The following RPS6KA2 variants were observed in gnomAD, a reference collection of about 807,000 sequenced individuals.
The protein encoded by RPS6KA2 is ribosomal protein S6 kinase alpha-2.
A neutral mutation model predicts 91.8 loss-of-function variants in RPS6KA2; 42 were observed. The observed-to-expected ratio is 0.46, with a 90% CI of 0.36 to 0.59. The LOEUF is 0.59. Among genes scored for constraint, RPS6KA2 ranks in the 20% least tolerant of loss-of-function variants. RPS6KA2 has a pLI of 0.00. For synonymous variants in RPS6KA2, 414 were observed against 393.6 expected (o/e 1.05, Z -0.61); for missense variants, 798 against 978.5 (o/e 0.82, Z 2.46).
At chr6:166,464,093 G>T (rs985004041) in intron 11 of RPS6KA2, among the ~76,000 whole-genome samples, 27 of 152,214 alleles carry the variant, frequency 1.8e-4, no homozygotes, top group Non-Finnish European at 2.2e-4. Context: ...CCTGTGCTGT[G>T]AGGCCCTGAC....
intron 3 of RPS6KA2, among the ~76,000 whole-genome samples, chr6:166,530,945 C>T (rs563999689): frequency 6.6e-6 from 1 of 152,404 alleles, no homozygotes; most frequent in Non-Finnish European, 1.5e-5. Context: ...AGCCTGCTCG[C>T]AGCCTGCTGC....
intron 1 of RPS6KA2, among the ~76,000 whole-genome samples, chr6:166,614,026 C>T (rs2128535245): frequency 6.6e-6 from 1 of 152,314 alleles, no homozygotes; most frequent in East Asian, 1.9e-4. Context: ...AAAGCCCAGT[C>T]AGCTCAGGAA....
intron 2 of RPS6KA2, among the ~76,000 whole-genome samples, chr6:166,793,212 GACAA>G (rs1464676762): frequency 9.9e-5 from 15 of 151,882 alleles, no homozygotes; most frequent in African/African-American, 3.6e-4. Context: ...ACCAATAACA[GACAA>G]ACAGAGAGCC....
chr6:166,835,507 T>G (rs1339291744), intron 2 of RPS6KA2, among the ~76,000 whole-genome samples: 1 of 152,220 alleles, frequency 6.6e-6, no homozygotes, highest in Non-Finnish European at 1.5e-5. Context: ...TTTGTAATAT[T>G]GGGATCCTAC....
At chr6:166,717,751 T>C (rs1002626347) in intron 2 of RPS6KA2, among the ~76,000 whole-genome samples, 4 of 152,190 alleles carry the variant, frequency 2.6e-5, no homozygotes, top group African/African-American at 9.6e-5. Context: ...TTACCAGGGG[T>C]GCCTCTCACA....
intron 3 of RPS6KA2, among the ~76,000 whole-genome samples, chr6:166,526,417 C>T (rs959677816): frequency 7.0e-6 from 1 of 143,748 alleles, no homozygotes; most frequent in Non-Finnish European, 1.5e-5. Flanking sequence ...ACAATCACAG[C>T]TCACTGAAGC....
intron 2 of RPS6KA2, among the ~76,000 whole-genome samples, chr6:166,805,775 C>G (rs909291150): frequency 1.3e-5 from 2 of 151,980 alleles, no homozygotes; most frequent in Admixed American, 1.3e-4. Flanking sequence ...AAAAAATAAA[C>G]CAAAAACTGT....
chr6:166,710,509 T>A (rs1054922229), intron 2 of RPS6KA2, among the ~76,000 whole-genome samples: 1 of 138,728 alleles, frequency 7.2e-6, no homozygotes, highest in Admixed American at 7.3e-5. Context: ...TGTGTGTGTG[T>A]GGTGTGTGTG....
intron 3 of RPS6KA2, among the ~76,000 whole-genome samples, chr6:166,521,330 C>T (rs1340499463): frequency 6.6e-6 from 1 of 152,330 alleles, no homozygotes; most frequent in Non-Finnish European, 1.5e-5. Flanking sequence ...CCAACCCCTG[C>T]CCTGCAAAGC....
intron 2 of RPS6KA2, among the ~76,000 whole-genome samples, chr6:166,717,094 G>A (rs765663894): frequency 1.3e-5 from 2 of 152,154 alleles, no homozygotes; most frequent in Non-Finnish European, 2.9e-5. Flanking sequence ...GGCTGCGAGT[G>A]GAGGCCACGC....
intron 2 of RPS6KA2, among the ~76,000 whole-genome samples, chr6:166,672,375 A>G (rs1157236832): frequency 6.6e-6 from 1 of 152,202 alleles, no homozygotes; most frequent in African/African-American, 2.4e-5. Flanking sequence ...GCAGATAACA[A>G]GCATAACCAG....
chr6:166,425,227 C>CTT (rs914599952), intron 16 of RPS6KA2, among the ~76,000 whole-genome samples: 1 of 152,026 alleles, frequency 6.6e-6, no homozygotes, highest in Admixed American at 6.6e-5. Flanking sequence ...TCTTTGTCTT[C>CTT]TTTAAAAATT....
intron 2 of RPS6KA2, among the ~76,000 whole-genome samples, chr6:166,761,950 A>G (rs1778184438): frequency 6.6e-6 from 1 of 152,242 alleles, no homozygotes; most frequent in Non-Finnish European, 1.5e-5. Context: ...CAGATGGGGC[A>G]GCCTCGTCTC....
At chr6:166,463,704 G>A (rs977102011) in intron 11 of RPS6KA2, among the ~76,000 whole-genome samples, 4 of 152,170 alleles carry the variant, frequency 2.6e-5, no homozygotes, top group African/African-American at 7.2e-5. Context: ...TTCTGTAGAC[G>A]GTTTTGGCTT....
upstream of RPS6KA2, among the ~76,000 whole-genome samples, chr6:166,628,558 A>C (rs1397596541): frequency 6.6e-6 from 1 of 152,254 alleles, no homozygotes; most frequent in African/African-American, 2.4e-5. Context: ...AGAGCTTTAA[A>C]GTCATGCTGC....
chr6:166,626,887 C>G lies in RPS6KA2; in HGVS notation c.99+34G>C. On this transcript the variant is annotated intron_variant, in intron 1 of 20. Coordinates refer to ENST00000265678, the MANE Select transcript of RPS6KA2 (RefSeq NM_021135.6). This position sits in a 1 kb window ranked among gnomAD's most constrained non-coding sequence, Gnocchi z 4.1. ...GGGCGACCACGGCCCGCTCAGTGCC[C>G]GGCACCTGCGCGCCCCGAGGGCGGC... The G allele has an allele frequency of 6.9e-7, 1 of 1,447,138 alleles. No individual in the cohort carries two copies. 89.6% of individuals were successfully genotyped at this position (1,447,138 alleles called of 1,614,324 possible). A position where few individuals can be genotyped will look rare whatever the true frequency, so the allele number is the denominator to read the frequency against.
At chr6:166,753,586 C>T (rs1401579893) in intron 2 of RPS6KA2, among the ~76,000 whole-genome samples, 2 of 152,146 alleles carry the variant, frequency 1.3e-5, no homozygotes, top group Non-Finnish European at 2.9e-5. Flanking sequence ...ATAATAAAAT[C>T]ACACAGCAGT....
chr6:166,478,138 G>A (rs1429336474), intron 10 of RPS6KA2, among the ~76,000 whole-genome samples: 2 of 152,220 alleles, frequency 1.3e-5, no homozygotes, highest in African/African-American at 2.4e-5. Flanking sequence ...GCGGCAGCTC[G>A]GCTGGGCGGG....
rs575610665 is a variant in RPS6KA2 at position 166,849,343 on chromosome 6, C to A, written c.123+8857G>T. On this transcript the variant is annotated intron_variant, in intron 2 of 21. Transcript: ENST00000503859. This position sits in a 1 kb window ranked among gnomAD's most constrained non-coding sequence, Gnocchi z 4.9. Reference sequence around the variant, plus strand: ...CCTATTTCTGCACAGTACTTACCCCCGTGTGAAACCATCTTGTTGAGCTAG... The same window carrying A: ...CCTATTTCTGCACAGTACTTACCCCAGTGTGAAACCATCTTGTTGAGCTAG... 1.3e-5 allele frequency among the ~76,000 whole-genome samples: 2 copies of A among 152,218 alleles called. No individual in the cohort carries two copies. The highest frequency in any genetic ancestry group is 6.5e-5 in the Admixed American group (1 of 15,290).
Sources: allele counts gnomAD v4.1 joint callset (sites outside exome capture counted in the v4.1 genomes callset), GRCh38; gene constraint gnomAD v4.1.1; non-coding constraint Gnocchi (gnomAD v3.1); transcripts MANE v1.5; gene names NCBI Gene and HGNC (gene_info 2026-07-23, HGNC 2026-07-21).